Variants in GPR20 observed in about 807,000 individuals in gnomAD.
GPR20 encodes the protein CTD-3064M3.3.
For synonymous variants in GPR20, 241 were observed against 241.9 expected (o/e 1.00, Z 0.04); for missense variants, 494 against 527.4 (o/e 0.94, Z 0.62).
intron 1 of GPR20, among the ~76,000 whole-genome samples, chr8:141,363,674 G>A (rs1238399298): frequency 3.3e-5 from 5 of 152,230 alleles, no homozygotes. Context: ...GGGTCATGCC[G>A]GCCTCCGTCC....
chr8:141,363,765 C>T (rs1043642654), intron 1 of GPR20, among the ~76,000 whole-genome samples: 1 of 152,252 alleles, frequency 6.6e-6, no homozygotes, highest in Non-Finnish European at 1.5e-5. Context: ...GGAGTTCTCT[C>T]TTGGCTGCCC....
chr8:141,357,004 G>T lies in GPR20; in HGVS notation c.920C>A (p.Thr307Asn), dbSNP rs780896510. The change falls in exon 2 of 2, where the codon ACC becomes AAC. Residue 307 changes from threonine (T) to asparagine (N), a missense_variant. Physicochemically the swap from Thr to Asn is moderately conservative, Grantham distance 65. Transcript: ENST00000377741. ...GTGCTGGCCGAAGAGGCCTCGGACG[G>T]TGGCCTGGAAGCCACTGGTGACGAA... ...YCFVTSGFQATVRGLFGQHGE... is the reference protein window; with the variant it reads ...YCFVTSGFQANVRGLFGQHGE... 28 of 1,613,008 alleles carry T rather than the reference G, an allele frequency of 1.7e-5. No individual in the cohort carries two copies. In the South Asian group the frequency reaches 2.5e-4, roughly 15 times the overall value.
At chr8:141,362,632 A>G (rs750014772) in intron 1 of GPR20, among the ~76,000 whole-genome samples, 1 of 151,702 alleles carries the variant, frequency 6.6e-6, no homozygotes, top group Non-Finnish European at 1.5e-5. Flanking sequence ...ATTGGCTTCC[A>G]CCCCCAGCCC....
At chr8:141,362,682 T>A (rs1831751593) in intron 1 of GPR20, among the ~76,000 whole-genome samples, 1 of 152,168 alleles carries the variant, frequency 6.6e-6, no homozygotes, top group South Asian at 2.1e-4. Context: ...CGAGCAAGGC[T>A]GACACCTCCT....
At position 141,356,826 on chromosome 8, in the gene GPR20, C is replaced by A. The variant is rs768643953; in HGVS notation, c.*21G>T. On this transcript the variant is annotated 3_prime_UTR_variant, in exon 2 of 2. Transcript: ENST00000377741. Reference sequence around the variant, plus strand: ...TGCCCAGATGAGTCCTGACCTTCGGCCCCTGGCAGAGCCCTGCTGACTAAG... The same window carrying A: ...TGCCCAGATGAGTCCTGACCTTCGGACCCTGGCAGAGCCCTGCTGACTAAG... 2.6e-6 allele frequency: 4 copies of A among 1,538,204 alleles called. No individual in the cohort carries two copies. Among genetic ancestry groups the A allele is most frequent in the African/African-American group, 2.7e-5 (2 of 73,166 alleles).
intron 1 of GPR20, among the ~76,000 whole-genome samples, chr8:141,364,642 C>T (rs527531017): frequency 1.3e-5 from 2 of 152,358 alleles, no homozygotes; most frequent in East Asian, 1.9e-4. Context: ...CCGACTCTGC[C>T]TCAGTTCCAC....
At chr8:141,362,397 TG>T (rs1392992328) in intron 1 of GPR20, among the ~76,000 whole-genome samples, 2 of 152,166 alleles carry the variant, frequency 1.3e-5, no homozygotes, top group Admixed American at 1.3e-4. Flanking sequence ...GAGGCGGGGC[TG>T]TGGGTGGGGG....
chr8:141,362,849 G>A (rs1357884187), intron 1 of GPR20, among the ~76,000 whole-genome samples: 1 of 151,792 alleles, frequency 6.6e-6, no homozygotes, highest in Non-Finnish European at 1.5e-5. Context: ...CACTTCCTGG[G>A]TTCAAGTGAG....
intron 1 of GPR20, among the ~76,000 whole-genome samples, chr8:141,363,853 C>A (rs1831775661): frequency 6.6e-6 from 1 of 152,222 alleles, no homozygotes; most frequent in Admixed American, 6.5e-5. Context: ...AGCAGATGGC[C>A]CAGGGTGGCT....
intron 1 of GPR20, among the ~76,000 whole-genome samples, chr8:141,363,621 T>C (rs554022494): frequency 6.6e-6 from 1 of 152,354 alleles, no homozygotes; most frequent in East Asian, 1.9e-4. Context: ...ACCCCTGGGC[T>C]TGGGGTGCTG....
chr8:141,364,396 T>C (rs1831784441), intron 1 of GPR20, among the ~76,000 whole-genome samples: 1 of 152,244 alleles, frequency 6.6e-6, no homozygotes, highest in Admixed American at 6.5e-5. Flanking sequence ...TTGATAAGTC[T>C]GAGCCTCCGT....
chr8:141,363,127 G>A (rs1586511095), intron 1 of GPR20, among the ~76,000 whole-genome samples: 1 of 152,322 alleles, frequency 6.6e-6, no homozygotes, highest in East Asian at 1.9e-4. Context: ...GAGGCCTCGG[G>A]CAAATCATTT....
chr8:141,357,761 C>A lies in GPR20; in HGVS notation c.163G>T (p.Ala55Ser), dbSNP rs141104231. The change falls in exon 2 of 2, where the codon GCG (alanine) becomes TCG (serine). Residue 55 changes from alanine to serine, a missense_variant. By Grantham distance (99) the Ala-to-Ser change is moderately conservative. Coordinates refer to ENST00000377741, the MANE Select transcript of GPR20 (RefSeq NM_005293.3). ...ATGGCTCCGTGCACCGCCATCAGCG[C>A]CAGCCACAGGCCTGGGAAGGTGCCA... ...LHGTFPGLWL[A>S]LMAVHGAIFL... The A allele has an allele frequency of 3.1e-6, 5 of 1,613,438 alleles. No individual in the cohort carries two copies. The highest frequency in any genetic ancestry group is 1.7e-6 in the Non-Finnish European group (2 of 1,179,980).
At chr8:141,358,528 T>C (rs1345194652) in intron 1 of GPR20, among the ~76,000 whole-genome samples, 1 of 152,176 alleles carries the variant, frequency 6.6e-6, no homozygotes, top group African/African-American at 2.4e-5. Flanking sequence ...CAGAGCCTTG[T>C]TCATGGTGGG....
intron 1 of GPR20, among the ~76,000 whole-genome samples, chr8:141,359,508 G>C (rs1831701988): frequency 6.6e-6 from 1 of 152,206 alleles, no homozygotes; most frequent in Admixed American, 6.5e-5. Context: ...CCAGGCCTGT[G>C]CCCAGCCCCT....
In GPR20 at chr8:141,356,875, T is replaced by C. The variant is rs763047571; in HGVS notation, c.1049A>G (p.Gln350Arg). The C allele has an allele frequency of 5.0e-6, 8 of 1,604,746 alleles. No individual in the cohort carries two copies. The highest frequency in any genetic ancestry group is 8.5e-7 in the Non-Finnish European group (1 of 1,174,178). Reference sequence around the variant, plus strand: ...AGCCTCGGGCCCATTAGCCAGGGCCTGGGTGAGGGCGTGAGGGCCGGCACT... The same window carrying C: ...AGCCTCGGGCCCATTAGCCAGGGCCCGGGTGAGGGCGTGAGGGCCGGCACT... ...ILSAGPHALT[Q>R]ALANGPEA Residue 350 changes from glutamine (Q) to arginine (R), a missense_variant, in exon 2 of 2, where the codon CAG becomes CGG. Coordinates refer to ENST00000377741, the MANE Select transcript of GPR20 (RefSeq NM_005293.3).
At position 141,356,803 on chromosome 8, in the gene GPR20, C is replaced by A; in HGVS notation, c.*44G>T. The A allele has an allele frequency of 7.1e-7, 1 of 1,405,734 alleles. No homozygotes were observed. The highest frequency in any genetic ancestry group is 2.1e-5 in the Admixed American group (1 of 47,574). The allele number at this position is 1,405,734 out of a possible 1,614,324, so 87.1% of individuals were successfully genotyped here. ...CATGGTGGGTGTCCACGCTGGCATG[C>A]CCAGATGAGTCCTGACCTTCGGCCC... On this transcript the variant is annotated 3_prime_UTR_variant, in exon 2 of 2. Coordinates refer to ENST00000377741, the MANE Select transcript of GPR20 (RefSeq NM_005293.3).
Position 141,357,578 on chromosome 8 carries a change from C to A in GPR20, c.346G>T (p.Ala116Ser). Reference sequence around the variant, plus strand: ...AAGGCACAGCGCAGGCAGCCCCTGGCGCCGTAGTACACAGCGAAGCGCGTG... The same window carrying A: ...AAGGCACAGCGCAGGCAGCCCCTGGAGCCGTAGTACACAGCGAAGCGCGTG... ...LPTRFAVYYGARGCLRCAFPH... is the reference protein window; with the variant it reads ...LPTRFAVYYGSRGCLRCAFPH... Residue 116 changes from alanine to serine, a missense_variant, in exon 2 of 2, where the codon GCC becomes TCC. Ala to Ser is a moderately conservative substitution (Grantham distance 99, BLOSUM62 1). Coordinates refer to ENST00000377741, the MANE Select transcript of GPR20 (RefSeq NM_005293.3). 3 of 1,613,904 alleles carry A rather than the reference C, an allele frequency of 1.9e-6. No homozygotes were observed. The highest frequency in any genetic ancestry group is 2.5e-6 in the Non-Finnish European group (3 of 1,180,010).
At chr8:141,362,788 T>TA (rs1831754892) in intron 1 of GPR20, among the ~76,000 whole-genome samples, 1 of 151,932 alleles carries the variant, frequency 6.6e-6, no homozygotes, top group African/African-American at 2.4e-5. Context: ...TTCTTTCTTT[T>TA]TTTTTTTTGA....
Sources: allele counts gnomAD v4.1 joint callset (sites outside exome capture counted in the v4.1 genomes callset), GRCh38; gene constraint gnomAD v4.1.1; transcripts MANE v1.5; gene names NCBI Gene and HGNC (gene_info 2026-07-23, HGNC 2026-07-21).